The following CELF2 variants were observed in gnomAD, a reference collection of about 807,000 sequenced individuals.
The protein encoded by CELF2 is CUG triplet repeat RNA-binding protein 2.
In CELF2, 8 loss-of-function variants were observed where a neutral mutation model predicts 62.6. That is an observed-to-expected ratio of 0.13 (90% CI 0.07 to 0.23). The LOEUF is 0.23. Among genes scored for constraint, CELF2 ranks in the 10% least tolerant of loss-of-function variants. CELF2 has a pLI of 1.00. For synonymous variants in CELF2, 258 were observed against 250.0 expected, an observed-to-expected ratio of 1.03 and a Z score of -0.30; for missense variants, 333 against 671.0, an observed-to-expected ratio of 0.50 and a Z score of 5.56.
chr10:10,728,703 T>C, the CELF2 span, among the ~76,000 whole-genome samples: 1 of 152,342 alleles, frequency 6.6e-6, no homozygotes, highest in African/African-American at 2.4e-5. Context: ...CTGTTTTGTT[T>C]CTTTTCACCT....
rs1197013977 is a variant in CELF2 at position 11,331,971 on chromosome 10, G to GACTACTTTGTTC, written c.*2919_*2930dup. On this transcript the variant is annotated 3_prime_UTR_variant, in exon 13 of 13. Transcript: ENST00000633077. ...TCTATCCTCTAAGTTGTTTCGGTTT[G>GACTACTTTGTTC]ACTACTTTGTTCTTTGGTTAAGATC... The GACTACTTTGTTC allele has an allele frequency of 6.6e-6, 1 of 152,092 alleles. No individual in the cohort carries two copies. The highest frequency in any genetic ancestry group is 1.5e-5 in the Non-Finnish European group (1 of 68,000). The allele number at this position is 152,092 out of a possible 1,614,324, so 9.4% of individuals were successfully genotyped here.
At chr10:11,035,632 C>T (rs2060822927) in intron 1 of CELF2, among the ~76,000 whole-genome samples, 1 of 152,214 alleles carries the variant, frequency 6.6e-6, no homozygotes, top group Admixed American at 6.5e-5. Context: ...TACTTTTTCA[C>T]TCTGTAAGGC....
rs1215809777 is a variant in CELF2 at position 10,936,186 on chromosome 10, AAG to A, written c.89+16195_89+16196del. 2.0e-5 allele frequency among the ~76,000 whole-genome samples: 3 copies of A among 152,076 alleles called. No homozygotes were observed. The highest frequency in any genetic ancestry group is 1.9e-4 in the East Asian group (1 of 5,200). On this transcript the variant is annotated intron_variant, in intron 2 of 13. Coordinates refer to the CELF2 transcript ENST00000636488. The surrounding 1 kb of genome is among the most constrained non-coding windows in gnomAD (Gnocchi z 4.0). ...CACAAAAAAAATAAATAAAATAATA[AAG>A]AGAGAGAAAAGAAAGAAACAATAAG...
the CELF2 span, among the ~76,000 whole-genome samples, chr10:10,746,362 G>T: frequency 1.3e-5 from 2 of 152,140 alleles, no homozygotes; most frequent in African/African-American, 4.8e-5. Flanking sequence ...CACCCCGTTT[G>T]CTTACAGAGA....
intron 1 of CELF2, among the ~76,000 whole-genome samples, chr10:11,026,010 C>T (rs1372029624): frequency 1.3e-5 from 2 of 152,188 alleles, no homozygotes; most frequent in East Asian, 1.9e-4. Context: ...TCTTCTGTTT[C>T]TCAGTGGCAA....
Position 10,997,936 on chromosome 10 carries a change from G to A in CELF2, c.89+77937G>A, listed in dbSNP as rs558770549. Among the ~76,000 whole-genome samples, 1 of 152,124 alleles carries A rather than the reference G, an allele frequency of 6.6e-6. No homozygotes were observed. Among genetic ancestry groups the A allele is most frequent in the African/African-American group, 2.4e-5 (1 of 41,426 alleles). ...TCCCCACGTGTCATGGGAGGGACCC[G>A]GTGGGAGGTAATTGAATCATGGAGG... is the stretch of plus-strand genomic sequence containing the variant. On this transcript the variant is annotated intron_variant, in intron 2 of 13. Transcript: ENST00000636488. This position sits in a 1 kb window ranked among gnomAD's most constrained non-coding sequence, Gnocchi z 5.3.
Position 11,018,171 on chromosome 10 carries a change from G to T in CELF2, c.74+8G>T. 1 of 1,518,472 alleles carries T rather than the reference G, an allele frequency of 6.6e-7. No individual in the cohort carries two copies. The highest frequency in any genetic ancestry group is 8.8e-7 in the Non-Finnish European group (1 of 1,130,034). 94.1% of individuals were successfully genotyped at this position (1,518,472 alleles called of 1,614,324 possible). On this transcript the variant is annotated splice_region_variant and intron_variant, in intron 1 of 12. Transcript: ENST00000633077. ...GCTCGTTCCTGACAGAATGTGAGTG[G>T]CGCCGCGTCCCGAGGCCGGGCGAGC...
chr10:10,674,204 G>A, the CELF2 span, among the ~76,000 whole-genome samples: 46 of 152,126 alleles, frequency 3.0e-4, no homozygotes, highest in Admixed American at 9.2e-4. Context: ...TTCATGCCCT[G>A]ATTTTAGGCA....
At chr10:11,113,601 A>G (rs562631650) in intron 1 of CELF2, among the ~76,000 whole-genome samples, 2 of 152,354 alleles carry the variant, frequency 1.3e-5, no homozygotes, top group East Asian at 3.9e-4. Flanking sequence ...GGATACTAAA[A>G]TAGAATTTTA....
At chr10:10,875,678 A>G (rs1173233669) in intron 1 of CELF2, among the ~76,000 whole-genome samples, 1 of 151,974 alleles carries the variant, frequency 6.6e-6, no homozygotes, top group Non-Finnish European at 1.5e-5. Context: ...TAAGCACCTT[A>G]CATCTAATCC....
rs769202017 is a variant in CELF2, at chr10:11,285,860, TGTGTGTGTGTGTGTGTG to T, written c.842-2557_842-2541del. ...GTGTGTGTGTGTGTGTGTGTGTGTG[TGTGTGTGTGTGTGTGTG>T]TTTTTACATGGACTTGAAAATGAGT... On this transcript the variant is annotated intron_variant, in intron 8 of 12. Transcript: ENST00000633077. The surrounding 1 kb of genome is among the most constrained non-coding windows in gnomAD (Gnocchi z 4.3). 1.3e-3 allele frequency among the ~76,000 whole-genome samples: 186 copies of T among 143,476 alleles called. No homozygotes were observed. Among genetic ancestry groups the T allele is most frequent in the Admixed American group, 2.9e-3 (42 of 14,658 alleles). 94.1% of individuals were successfully genotyped at this position (143,476 alleles called of 152,430 possible). A position where few individuals can be genotyped will look rare whatever the true frequency, so the allele number is the denominator to read the frequency against.
chr10:11,210,115 A>G (rs1167422327), intron 2 of CELF2, among the ~76,000 whole-genome samples: 2 of 152,236 alleles, frequency 1.3e-5, no homozygotes, highest in African/African-American at 4.8e-5. Context: ...TTTCCTATTT[A>G]CAACATGATG....
chr10:10,901,275 T>C (rs1010409801), intron 1 of CELF2, among the ~76,000 whole-genome samples: 1 of 152,220 alleles, frequency 6.6e-6, no homozygotes, highest in African/African-American at 2.4e-5. Context: ...CGATGTGTTA[T>C]CAAGTTGCAG....
At chr10:10,514,854 T>G in the CELF2 span, among the ~76,000 whole-genome samples, 2,517 of 152,266 alleles carry the variant, frequency 0.017, 73 homozygotes, top group African/African-American at 0.057. Flanking sequence ...TGTTAATTCC[T>G]AAAACCTCTA....
intron 3 of CELF2, among the ~76,000 whole-genome samples, chr10:11,241,822 G>A (rs1481425259): frequency 6.6e-6 from 1 of 152,162 alleles, no homozygotes; most frequent in East Asian, 1.9e-4. Context: ...GGGGCATGCT[G>A]TCTTTCATTT....
intron 1 of CELF2, among the ~76,000 whole-genome samples, chr10:11,094,854 C>T (rs2142116607): frequency 6.6e-6 from 1 of 152,282 alleles, no homozygotes; most frequent in South Asian, 2.1e-4. Flanking sequence ...TTGACAAGAA[C>T]TCTAGTGCAA....
chr10:10,836,116 G>C (rs540321945), intron 1 of CELF2, among the ~76,000 whole-genome samples: 226 of 152,226 alleles, frequency 1.5e-3, no homozygotes, highest in African/African-American at 4.9e-3. Flanking sequence ...GAAGAATTCT[G>C]GGCTTGAGAT....
chr10:10,754,970 A>G, the CELF2 span, among the ~76,000 whole-genome samples: 2 of 152,240 alleles, frequency 1.3e-5, no homozygotes, highest in African/African-American at 4.8e-5. Flanking sequence ...GTTTCCCTCA[A>G]TAAGTAGATC....
chr10:10,870,410 G>T (rs548167804), intron 1 of CELF2, among the ~76,000 whole-genome samples: 16 of 152,042 alleles, frequency 1.1e-4, no homozygotes, highest in Admixed American at 5.2e-4. Flanking sequence ...GAAACAATTT[G>T]GACAGCAGGG....
Sources: allele counts gnomAD v4.1 joint callset (sites outside exome capture counted in the v4.1 genomes callset), GRCh38; gene constraint gnomAD v4.1.1; non-coding constraint Gnocchi (gnomAD v3.1); transcripts MANE v1.5; gene names NCBI Gene and HGNC (gene_info 2026-07-23, HGNC 2026-07-21).